ACOXL: variants seen among roughly 807,000 people sequenced by gnomAD.
ACOXL encodes the protein acyl-CoA oxidase like.
Under a neutral mutation model 71.9 loss-of-function variants are expected in ACOXL, and 70 were observed. The ratio of observed to expected loss-of-function variants is 0.97; its 90% CI spans 0.80 to 1.19. The LOEUF (loss-of-function observed/expected upper bound fraction) is 1.19, where lower values mean the gene tolerates loss of function less well. ACOXL is among the 50% of genes most tolerant of loss of function. The probability of loss-of-function intolerance (pLI) is 0.00; values close to 1 mark genes in which losing one functional copy is unlikely to be tolerated. For synonymous variants in ACOXL, 253 were observed against 281.6 expected (o/e 0.90, Z 1.02); for missense variants, 703 against 736.3 (o/e 0.95, Z 0.52).
intron 10 of ACOXL, among the ~76,000 whole-genome samples, chr2:110,890,655 A>T (rs35461378): frequency 0.078 from 11,843 of 152,248 alleles, 667 homozygotes; most frequent in Middle Eastern, 0.14. Context: ...TCTCAATTCT[A>T]TTCCATTGAT....
intron 8 of ACOXL, among the ~76,000 whole-genome samples, chr2:110,802,929 A>T (rs1686175027): frequency 1.3e-5 from 2 of 152,240 alleles, no homozygotes; most frequent in Non-Finnish European, 2.9e-5. Flanking sequence ...GAATATGCCA[A>T]TTACCCTGAT....
chr2:111,010,727 TGGTAGAATGA>T (rs1453795286), intron 14 of ACOXL, among the ~76,000 whole-genome samples: 2 of 152,102 alleles, frequency 1.3e-5, no homozygotes, highest in Non-Finnish European at 2.9e-5. Flanking sequence ...CAAGAAATAA[TGGTAGAATGA>T]TGGTTCACTT....
chr2:110,966,018 A>G (rs572012034), intron 12 of ACOXL, among the ~76,000 whole-genome samples: 16 of 152,252 alleles, frequency 1.1e-4, no homozygotes, highest in Non-Finnish European at 1.6e-4. Flanking sequence ...GCCAGACACA[A>G]CAAAAAAACA....
At chr2:110,759,174 G>A (rs1234802412) in intron 1 of ACOXL, among the ~76,000 whole-genome samples, 1 of 152,158 alleles carries the variant, frequency 6.6e-6, no homozygotes, top group African/African-American at 2.4e-5. Context: ...GGAGAGTTCT[G>A]TAGATATCTG....
At chr2:111,073,623 C>T (rs72836326) in intron 16 of ACOXL, among the ~76,000 whole-genome samples, 6 of 152,200 alleles carry the variant, frequency 3.9e-5, no homozygotes, top group East Asian at 1.9e-4. Flanking sequence ...CATTGACCTA[C>T]GTGTATATTT....
chr2:111,099,727 G>T (rs935339889), intron 17 of ACOXL: 3 of 152,152 alleles, frequency 2.0e-5, no homozygotes, highest in Non-Finnish European at 2.9e-5. Context: ...GCATTATCCT[G>T]TTTCAGTCTT....
At chr2:110,992,443 A>G (rs2063213508) in intron 13 of ACOXL, among the ~76,000 whole-genome samples, 1 of 152,204 alleles carries the variant, frequency 6.6e-6, no homozygotes, top group Non-Finnish European at 1.5e-5. Flanking sequence ...CTCCGAGAGC[A>G]GTAGGATAGT....
chr2:110,932,461 T>C (rs1222622660), intron 11 of ACOXL, among the ~76,000 whole-genome samples: 1 of 152,174 alleles, frequency 6.6e-6, no homozygotes, highest in African/African-American at 2.4e-5. Flanking sequence ...AGGCATGAGG[T>C]TTATCACACA....
At chr2:110,950,810 G>GGAGAGAGAGAGAGAGAGAGAGA (rs71383892) in intron 12 of ACOXL, among the ~76,000 whole-genome samples, 52 of 142,876 alleles carry the variant, frequency 3.6e-4, no homozygotes, top group Middle Eastern at 3.6e-3. Context: ...GGTGGGGGGT[G>GGAGAGAGAGAGAGAGAGAGAGA]GAGAGAGAGA....
intron 12 of ACOXL, chr2:110,968,270 T>A: frequency 1.7e-6 from 2 of 1,176,400 alleles, no homozygotes; most frequent in Non-Finnish European, 2.5e-6. Context: ...ACCTGCTATT[T>A]GGATGCAGGC....
At chr2:110,995,306 C>T (rs13416533) in intron 13 of ACOXL, among the ~76,000 whole-genome samples, 4,470 of 150,848 alleles carry the variant, frequency 0.03, 224 homozygotes, top group African/African-American at 0.1. Context: ...TCAAGACCAG[C>T]CTGGCCAATA....
intron 10 of ACOXL, among the ~76,000 whole-genome samples, chr2:110,850,877 C>T (rs962897593): frequency 6.6e-6 from 1 of 152,178 alleles, no homozygotes; most frequent in Non-Finnish European, 1.5e-5. Context: ...ATGGCTTCTC[C>T]ATTCATAATA....
chr2:111,046,800 G>T (rs2066037644), intron 15 of ACOXL, among the ~76,000 whole-genome samples: 2 of 152,180 alleles, frequency 1.3e-5, no homozygotes, highest in South Asian at 4.1e-4. Flanking sequence ...GACAGGGAGG[G>T]AGTGCATGGC....
chr2:110,811,854 G>C (rs1246096685), intron 9 of ACOXL, among the ~76,000 whole-genome samples: 1 of 151,868 alleles, frequency 6.6e-6, no homozygotes, highest in African/African-American at 2.4e-5. Flanking sequence ...GCTTTAGCCT[G>C]AGTGATCCTC....
At chr2:110,842,086 G>A (rs1204984833) in intron 10 of ACOXL, among the ~76,000 whole-genome samples, 1 of 152,154 alleles carries the variant, frequency 6.6e-6, no homozygotes, top group African/African-American at 2.4e-5. Context: ...GCTTGGGGAT[G>A]TCTGCTCAGC....
chr2:111,063,673 C>G (rs1393389692), intron 16 of ACOXL, among the ~76,000 whole-genome samples: 1 of 152,170 alleles, frequency 6.6e-6, no homozygotes, highest in African/African-American at 2.4e-5. Context: ...TAACATTATA[C>G]TTAGTGGTGA....
At chr2:111,050,427 C>T (rs1222244704) in intron 16 of ACOXL, among the ~76,000 whole-genome samples, 3 of 152,154 alleles carry the variant, frequency 2.0e-5, no homozygotes, top group Non-Finnish European at 2.9e-5. Flanking sequence ...TTGTTTGCCA[C>T]GCTTAATTCT....
intron 11 of ACOXL, among the ~76,000 whole-genome samples, chr2:110,931,111 G>A (rs944486171): frequency 4.6e-5 from 7 of 152,102 alleles, no homozygotes; most frequent in Admixed American, 3.9e-4. Flanking sequence ...TTTGGGCCAC[G>A]ATGAGTTTCT....
chr2:110,857,472 A>T (rs1485236266), intron 10 of ACOXL, among the ~76,000 whole-genome samples: 1 of 152,130 alleles, frequency 6.6e-6, no homozygotes, highest in African/African-American at 2.4e-5. Context: ...CAGACTTAGG[A>T]CTTTATTACC....
Sources: gnomAD v4.1 joint callset for allele counts (sites outside exome capture counted in the v4.1 genomes callset) on GRCh38, gnomAD v4.1.1 for gene constraint, MANE v1.5 for transcripts, NCBI Gene and HGNC (gene_info 2026-07-23, HGNC 2026-07-21) for gene names.